Variants in ZZEF1 observed in about 807,000 individuals in gnomAD.
ZZEF1 encodes zinc finger ZZ-type and EF-hand domain-containing protein 1.
Under a neutral mutation model 342.8 loss-of-function variants are expected in ZZEF1, and 157 were observed. The observed-to-expected ratio is 0.46, with a 90% confidence interval of 0.40 to 0.52. ZZEF1 has a LOEUF of 0.52. Ranked by LOEUF, ZZEF1 falls within the 20% of genes least tolerant of loss-of-function variation. The pLI, the probability that ZZEF1 is intolerant of heterozygous loss-of-function variation, is 0.00. For synonymous variants in ZZEF1, 1,505 were observed against 1,429.1 expected (o/e 1.05, Z -1.20); for missense variants, 3,480 against 3,725.6 (o/e 0.93, Z 1.72).
In ZZEF1 at chr17:4,066,454, C is replaced by CTGA; in HGVS notation, c.4241_4242insTCA (p.Glu1414delinsAspGln). ...TGGTGTTAGCACACTCACCCAGGCT[C>CTGA]TCAGGGTTCACCTCAGTAGCTTCTG... On this transcript the variant is annotated protein_altering_variant, in exon 28 of 55. Coordinates refer to ENST00000381638, the MANE Select transcript of ZZEF1 (RefSeq NM_015113.4). 1 of 1,614,132 alleles carries CTGA rather than the reference C, an allele frequency of 6.2e-7. No individual in the cohort carries two copies. The highest frequency in any genetic ancestry group is 1.1e-5 in the South Asian group (1 of 91,084).
rs994754766 is a variant in ZZEF1 at position 4,046,186 on chromosome 17, G to A, written c.6016-1812C>T. Among the ~76,000 whole-genome samples the A allele has an allele frequency of 2.6e-5, 4 of 152,116 alleles. No individual in the cohort carries two copies. The South Asian group carries it at 8.3e-4, about 32-fold the overall frequency. On this transcript the variant is annotated intron_variant, in intron 37 of 54. Transcript: ENST00000381638. ...GATGCCCTTTTGAGAATCCCACTTT[G>A]GCAATGAGACTTGTTAAAGGGGCCC... is the stretch of plus-strand genomic sequence containing the variant.
intron 1 of ZZEF1, among the ~76,000 whole-genome samples, chr17:4,124,615 T>C (rs1318767525): frequency 1.4e-5 from 2 of 147,736 alleles, no homozygotes; most frequent in African/African-American, 5.2e-5. Flanking sequence ...GCTGATTTTT[T>C]TTTTTTTTTT....
At chr17:4,018,943 G>T (rs1485156703) in intron 46 of ZZEF1, among the ~76,000 whole-genome samples, 1 of 149,810 alleles carries the variant, frequency 6.7e-6, no homozygotes, top group Non-Finnish European at 1.5e-5. Context: ...TCCCTCTGTG[G>T]AGCAGAGCTG....
chr17:4,049,953 TAAATAA>T, intron 36 of ZZEF1, 94 bp from the exon 37 acceptor site: 1 of 1,422,152 alleles, frequency 7.0e-7, no homozygotes, highest in Non-Finnish European at 9.6e-7. Flanking sequence ...TATATAGAAA[TAAATAA>T]ATGAGTTCTG....
intron 9 of ZZEF1, among the ~76,000 whole-genome samples, chr17:4,099,989 C>G (rs894147087): frequency 6.6e-6 from 1 of 152,162 alleles, no homozygotes; most frequent in East Asian, 1.9e-4. Flanking sequence ...CTATCAGGAG[C>G]ACCCAGTATT....
chr17:4,014,040 G>T lies in ZZEF1; in HGVS notation c.8413+50C>A. On this transcript the variant is annotated intron_variant, in intron 51 of 54. Coordinates refer to ENST00000381638, the MANE Select transcript of ZZEF1 (RefSeq NM_015113.4). The surrounding 1 kb of genome is among the most constrained non-coding windows in gnomAD (Gnocchi z 4.4). ...TGACATCATGGCACCCACAGCCATG[G>T]AGTGTCCCTGGCAGGCAGATGGTGT... 1 of 1,541,424 alleles carries T rather than the reference G, an allele frequency of 6.5e-7. No homozygotes were observed. The highest frequency in any genetic ancestry group is 9.0e-7 in the Non-Finnish European group (1 of 1,115,222).
At chr17:4,043,382 G>A (rs2056843725) in intron 38 of ZZEF1, among the ~76,000 whole-genome samples, 1 of 152,190 alleles carries the variant, frequency 6.6e-6, no homozygotes. Flanking sequence ...GTGTCAGACT[G>A]TTTTCTGGAA....
At chr17:4,110,709 C>CTTT (rs1240075616) in intron 5 of ZZEF1, among the ~76,000 whole-genome samples, 12 of 127,032 alleles carry the variant, frequency 9.4e-5, no homozygotes, top group South Asian at 2.5e-4. Flanking sequence ...AAAATTACGG[C>CTTT]TTTTTTTTTT....
At chr17:4,137,598 A>C (rs2058773053) in intron 1 of ZZEF1, among the ~76,000 whole-genome samples, 1 of 151,882 alleles carries the variant, frequency 6.6e-6, no homozygotes, top group Non-Finnish European at 1.5e-5. Context: ...GGCAACAGAG[A>C]CTCTGTCTCA....
chr17:4,063,136 G>A (rs182405759), intron 29 of ZZEF1, among the ~76,000 whole-genome samples: 1 of 152,272 alleles, frequency 6.6e-6, no homozygotes, highest in East Asian at 1.9e-4. Context: ...CCAGAAGTCC[G>A]ACAACCCATT....
chr17:4,134,676 T>G (rs1009641779), intron 1 of ZZEF1, among the ~76,000 whole-genome samples: 3 of 152,092 alleles, frequency 2.0e-5, no homozygotes, highest in African/African-American at 7.2e-5. Context: ...ACAGAGAGGT[T>G]ATTTTTTTTA....
chr17:4,027,351 A>G (rs1428408852), intron 42 of ZZEF1, among the ~76,000 whole-genome samples: 1 of 135,482 alleles, frequency 7.4e-6, no homozygotes, highest in Non-Finnish European at 1.5e-5. Context: ...CTAGAGTGCA[A>G]TGGCACAATC....
chr17:4,034,759 G>A (rs2056624253), intron 39 of ZZEF1, among the ~76,000 whole-genome samples: 1 of 152,186 alleles, frequency 6.6e-6, no homozygotes, highest in Non-Finnish European at 1.5e-5. Flanking sequence ...CACTCTGGGA[G>A]GCCAAGGCGG....
chr17:4,138,311 T>C (rs749724547), intron 1 of ZZEF1, among the ~76,000 whole-genome samples: 4 of 152,130 alleles, frequency 2.6e-5, no homozygotes, highest in Admixed American at 6.6e-5. Context: ...TCAAAGCCAT[T>C]CTAAATTAGT....
Position 4,008,086 on chromosome 17 carries a change from C to T in ZZEF1, c.8805+797G>A, listed in dbSNP as rs1355962824. On this transcript the variant is annotated intron_variant, in intron 54 of 54. Transcript: ENST00000381638. This position sits in a 1 kb window ranked among gnomAD's most constrained non-coding sequence, Gnocchi z 4.2. ...GCAAGGTTCATTTTTGACTTTCCTT[C>T]TCCTGAGTATATGGTGGAGTGTTCC... Among the ~76,000 whole-genome samples the T allele has an allele frequency of 6.6e-6, 1 of 152,026 alleles. No homozygotes were observed. The highest frequency in any genetic ancestry group is 2.4e-5 in the African/African-American group (1 of 41,380).
rs1186336718 is a variant in ZZEF1 at position 4,034,079 on chromosome 17, T to C, written c.6520A>G (p.Ile2174Val). Residue 2174 changes from isoleucine to valine, a missense_variant, in exon 40 of 55, where the codon ATT (isoleucine) becomes GTT (valine). Around this residue, in one of 5 missense-constraint regions of ZZEF1, gnomAD observed 1,269 missense variants for 1,342.4 expected, o/e 0.95. Transcript: ENST00000381638. ...HNLFAAGDSS[I>V]VPDGWKTTHL... ...GTGGTTTTCCAGCCATCTGGCACAA[T>C]GGAACTGTCCCCTGCAGCAAACAGG... 1.2e-6 allele frequency: 2 copies of C among 1,614,182 alleles called. No individual in the cohort carries two copies. The highest frequency in any genetic ancestry group is 1.7e-5 in the Admixed American group (1 of 60,026).
chr17:4,091,637 C>T (rs1022622004), intron 11 of ZZEF1, among the ~76,000 whole-genome samples: 6 of 152,000 alleles, frequency 3.9e-5, no homozygotes, highest in African/African-American at 1.2e-4. Context: ...ATTAGCCAGG[C>T]GTGGTGGTGC....
chr17:4,094,997 C>T (rs1203788035), intron 11 of ZZEF1, among the ~76,000 whole-genome samples: 2 of 152,178 alleles, frequency 1.3e-5, no homozygotes, highest in Admixed American at 1.3e-4. Flanking sequence ...AACACATTCC[C>T]CTGCCATTTC....
intron 1 of ZZEF1, among the ~76,000 whole-genome samples, chr17:4,132,702 G>C (rs1354030374): frequency 1.7e-5 from 2 of 116,470 alleles, no homozygotes; most frequent in Admixed American, 1.8e-4. Context: ...TGTGGTGGCG[G>C]GCGCCTGTAA....
Sources: allele counts gnomAD v4.1 joint callset (sites outside exome capture counted in the v4.1 genomes callset), GRCh38; gene constraint gnomAD v4.1.1; regional missense constraint gnomAD v4.1.1; non-coding constraint Gnocchi (gnomAD v3.1); transcripts MANE v1.5; gene names NCBI Gene and HGNC (gene_info 2026-07-23, HGNC 2026-07-21).